Variants in RBM6 observed in about 807,000 individuals in gnomAD.
RBM6 encodes RNA-binding protein 6.
A neutral mutation model predicts 140.4 loss-of-function variants in RBM6; 23 were observed. The ratio of observed to expected loss-of-function variants is 0.16; its 90% CI spans 0.12 to 0.23. The LOEUF is 0.23. RBM6 is among the 10% of genes least tolerant of loss of function. The pLI is 1.00. For synonymous variants in RBM6, 439 were observed against 475.6 expected, an observed-to-expected ratio of 0.92 and a Z score of 1.00; for missense variants, 1,139 against 1,386.7, an observed-to-expected ratio of 0.82 and a Z score of 2.84.
intron 6 of RBM6, among the ~76,000 whole-genome samples, chr3:50,033,143 A>C (rs753688462): frequency 8.7e-5 from 13 of 149,708 alleles, no homozygotes; most frequent in Admixed American, 3.3e-4. Context: ...CTAAAAATAC[A>C]AAAATTAGCT....
intron 7 of RBM6, among the ~76,000 whole-genome samples, chr3:50,053,094 C>G (rs984925715): frequency 6.6e-6 from 1 of 151,516 alleles, no homozygotes. Context: ...TGATCTTCCT[C>G]AAGTGAGTTA....
rs55872898 is a variant in RBM6 at position 49,974,673 on chromosome 3, ATT to A, written c.1414-621_1414-620del. On this transcript the variant is annotated intron_variant, in intron 4 of 20. Coordinates refer to ENST00000266022, the MANE Select transcript of RBM6 (RefSeq NM_005777.3). ...AGGCGTGAGCCACCGTGCCCGGCCA[ATT>A]TTTTTTTTTTTTTTTTTTTTTTTTT... Among the ~76,000 whole-genome samples the A allele has an allele frequency of 2.9e-3, 211 of 72,454 alleles. 1 individual carries two copies. The highest frequency in any genetic ancestry group is 3.9e-3 in the South Asian group (5 of 1,282). 47.5% of individuals were successfully genotyped at this position (72,454 alleles called of 152,430 possible).
intron 6 of RBM6, among the ~76,000 whole-genome samples, chr3:50,030,881 G>C (rs1391362842): frequency 6.6e-6 from 1 of 152,062 alleles, no homozygotes; most frequent in Non-Finnish European, 1.5e-5. Context: ...TGGACATAGT[G>C]AGTAGAAGGA....
At chr3:50,045,065 A>C (rs1252213129) in intron 6 of RBM6, among the ~76,000 whole-genome samples, 2 of 152,198 alleles carry the variant, frequency 1.3e-5, no homozygotes, top group African/African-American at 2.4e-5. Context: ...ATAAGAAATC[A>C]TTGCTTTTGT....
chr3:50,041,119 T>C (rs2088894762), intron 6 of RBM6, among the ~76,000 whole-genome samples: 1 of 152,214 alleles, frequency 6.6e-6, no homozygotes, highest in South Asian at 2.1e-4. Flanking sequence ...AAGAACATTT[T>C]AGTAAAAGTT....
chr3:49,955,160 C>CTTTTTTTTTTTTTTTTTTTTTTTTTTTTT lies in RBM6; in HGVS notation c.-66-7392_-66-7391insTTTTTTTTTTTTTTTTTTTTTTTTTTTTT, dbSNP rs869272546. ...GGCCGCATAGTATTTTTTTTTCTTT[C>CTTTTTTTTTTTTTTTTTTTTTTTTTTTTT]TTTTTTTTTTTTTTTTTTTTTTTTG... On this transcript the variant is annotated intron_variant, in intron 1 of 20. Coordinates refer to ENST00000266022, the MANE Select transcript of RBM6 (RefSeq NM_005777.3). Among the ~76,000 whole-genome samples the CTTTTTTTTTTTTTTTTTTTTTTTTTTTTT allele has an allele frequency of 5.5e-5, 4 of 72,714 alleles. 1 individual carries two copies. The highest frequency in any genetic ancestry group is 9.3e-5 in the Non-Finnish European group (4 of 42,822). The allele number at this position is 72,714 out of a possible 152,430, so 47.7% of individuals were successfully genotyped here. A position where few individuals can be genotyped will look rare whatever the true frequency, so the allele number is the denominator to read the frequency against.
chr3:50,001,697 T>G (rs2086335756), intron 6 of RBM6, among the ~76,000 whole-genome samples: 1 of 152,144 alleles, frequency 6.6e-6, no homozygotes, highest in Non-Finnish European at 1.5e-5. Context: ...TACATGCCAA[T>G]TTTGGAGAGA....
intron 15 of RBM6, 146 bp downstream of exon 15, chr3:50,062,254 C>G (rs774848308): frequency 1.1e-5 from 11 of 984,332 alleles, no homozygotes; most frequent in African/African-American, 1.7e-5. Context: ...CCTGTAATCC[C>G]AGCACTTTGG....
In RBM6 at chr3:49,965,789, A is replaced by G. The variant is rs532282908; in HGVS notation, c.45-1681A>G. The stretch of plus-strand genomic sequence containing the variant: ...TGTTCTGAAAATCCATTAAATGTAC[A>G]TCATTCTAGTGTTTAGGTTAATGCT... On this transcript the variant is annotated intron_variant, in intron 2 of 20. Coordinates refer to ENST00000266022, the MANE Select transcript of RBM6 (RefSeq NM_005777.3). Among the ~76,000 whole-genome samples the G allele has an allele frequency of 8.5e-5, 13 of 152,098 alleles. No homozygotes were observed. The South Asian group carries it at 1.5e-3, about 17-fold the overall frequency.
chr3:50,073,700 A>G (rs1303214190), intron 19 of RBM6, among the ~76,000 whole-genome samples: 2 of 152,162 alleles, frequency 1.3e-5, no homozygotes, highest in Non-Finnish European at 2.9e-5. Flanking sequence ...GTAAAGAGAA[A>G]TCTACTCTTA....
At chr3:50,007,041 GGTCTTGGCTTAATGGA>G (rs2086615147) in intron 6 of RBM6, among the ~76,000 whole-genome samples, 1 of 151,872 alleles carries the variant, frequency 6.6e-6, no homozygotes, top group South Asian at 2.1e-4. Context: ...CAGCAGCTCT[GGTCTTGGCTTAATGGA>G]GTATATGGCA....
chr3:49,954,499 T>C (rs1307795891), intron 1 of RBM6, among the ~76,000 whole-genome samples: 3 of 151,972 alleles, frequency 2.0e-5, no homozygotes, highest in African/African-American at 7.2e-5. Flanking sequence ...CAGGATGGTC[T>C]GAAACTTCTG....
chr3:49,951,946 C>G (rs991744495), intron 1 of RBM6, among the ~76,000 whole-genome samples: 1 of 152,100 alleles, frequency 6.6e-6, no homozygotes, highest in Non-Finnish European at 1.5e-5. Flanking sequence ...TGGTCTTGAT[C>G]TCCTGATCTT....
At chr3:49,980,782 T>C (rs539361214) in intron 5 of RBM6, among the ~76,000 whole-genome samples, 11 of 146,938 alleles carry the variant, frequency 7.5e-5, no homozygotes, top group African/African-American at 2.7e-4. Context: ...AAAAAAAAAG[T>C]TGAACCTGGG....
intron 6 of RBM6, among the ~76,000 whole-genome samples, chr3:50,008,517 AGCTTCATTACCT>A (rs1338870262): frequency 2.7e-5 from 4 of 145,558 alleles, no homozygotes; most frequent in Non-Finnish European, 4.5e-5. Context: ...TTAGAATTCC[AGCTTCATTACCT>A]CCTGGCTCTT....
intron 6 of RBM6, among the ~76,000 whole-genome samples, chr3:50,013,132 C>T (rs998854423): frequency 8.5e-5 from 13 of 152,114 alleles, no homozygotes; most frequent in African/African-American, 2.7e-4. Flanking sequence ...TTGACTTGAC[C>T]TCCCACCAGA....
At chr3:50,070,002 G>T (rs1443332162) in intron 18 of RBM6, among the ~76,000 whole-genome samples, 1 of 152,150 alleles carries the variant, frequency 6.6e-6, no homozygotes, top group Non-Finnish European at 1.5e-5. Context: ...GCTTTCTCTA[G>T]AAGAACGTGT....
chr3:49,949,126 G>A (rs973940499), intron 1 of RBM6, among the ~76,000 whole-genome samples: 9 of 151,614 alleles, frequency 5.9e-5, no homozygotes, highest in Admixed American at 2.0e-4. Context: ...ACCACGCCTG[G>A]TCATACCCAA....
chr3:49,977,351 C>A (rs1442419391), intron 5 of RBM6, among the ~76,000 whole-genome samples: 3 of 152,164 alleles, frequency 2.0e-5, no homozygotes, highest in Admixed American at 6.6e-5. Context: ...GTCTCTGAGG[C>A]CTTGTGTCAC....
Sources: allele counts gnomAD v4.1 joint callset (sites outside exome capture counted in the v4.1 genomes callset), GRCh38; gene constraint gnomAD v4.1.1; transcripts MANE v1.5; gene names NCBI Gene and HGNC (gene_info 2026-07-23, HGNC 2026-07-21).